TMEM51: variants seen among roughly 807,000 people sequenced by gnomAD.
TMEM51 encodes the protein transmembrane protein 51.
A neutral mutation model predicts 13.6 loss-of-function variants in TMEM51; 8 were observed. The observed-to-expected ratio is 0.59, with a 90% CI of 0.35 to 1.07. The LOEUF is 1.07. Ranked by LOEUF, TMEM51 falls within the 50% of genes least tolerant of loss-of-function variation. TMEM51 has a pLI of 0.02. For missense variants in TMEM51, 279 were observed against 330.7 expected, an observed-to-expected ratio of 0.84 and a Z score of 1.21; for synonymous variants, 147 against 144.4, an observed-to-expected ratio of 1.02 and a Z score of -0.13.
chr1:15,211,512 T>A (rs918696324), intron 2 of TMEM51, among the ~76,000 whole-genome samples: 4 of 152,236 alleles, frequency 2.6e-5, no homozygotes, highest in African/African-American at 9.6e-5. Context: ...TTATGTATAT[T>A]ATTTATTTAT....
intron 1 of TMEM51, among the ~76,000 whole-genome samples, chr1:15,196,390 G>A (rs1644049127): frequency 2.2e-5 from 1 of 44,774 alleles, no homozygotes; most frequent in African/African-American, 8.7e-5. Flanking sequence ...GTGTGTGTGT[G>A]TGCATGTGTG....
chr1:15,165,571 C>T (rs1642966266), intron 1 of TMEM51, among the ~76,000 whole-genome samples: 1 of 152,184 alleles, frequency 6.6e-6, no homozygotes, highest in Non-Finnish European at 1.5e-5. Flanking sequence ...AGCTTTAAAA[C>T]ACTTTTAATT....
chr1:15,159,791 G>C (rs112445636), intron 1 of TMEM51, among the ~76,000 whole-genome samples: 1 of 152,078 alleles, frequency 6.6e-6, no homozygotes, highest in Non-Finnish European at 1.5e-5. Context: ...TCTTGACCTC[G>C]TGATCCGCCT....
At chr1:15,203,942 A>G (rs1184826374) in intron 1 of TMEM51, among the ~76,000 whole-genome samples, 1 of 152,246 alleles carries the variant, frequency 6.6e-6, no homozygotes, top group Non-Finnish European at 1.5e-5. Context: ...CCAGGCTCCC[A>G]GTCCCACGGC....
chr1:15,163,975 A>T (rs1019906196), intron 1 of TMEM51, among the ~76,000 whole-genome samples: 23 of 151,798 alleles, frequency 1.5e-4, no homozygotes, highest in African/African-American at 5.3e-4. Context: ...ATTTACAGGC[A>T]TGCACCACCA....
chr1:15,192,455 C>CCTTTTTTTTTTTTTT (rs3078876), intron 1 of TMEM51: 52 of 170,774 alleles, frequency 3.0e-4, no homozygotes, highest in South Asian at 1.2e-3. Flanking sequence ...TCTTTCTTTT[C>CCTTTTTTTTTTTTTT]TTTTCCTTTT....
At chr1:15,200,871 C>T (rs34772777) in intron 1 of TMEM51, among the ~76,000 whole-genome samples, 20 of 152,152 alleles carry the variant, frequency 1.3e-4, no homozygotes, top group Non-Finnish European at 2.9e-4. Context: ...AATTGTATCT[C>T]CTGACCACAG....
At chr1:15,180,582 C>T (rs753239205) in intron 1 of TMEM51, among the ~76,000 whole-genome samples, 63 of 152,096 alleles carry the variant, frequency 4.1e-4, no homozygotes, top group African/African-American at 1.4e-3. Flanking sequence ...ATTATATGAG[C>T]GGATGCATTG....
At chr1:15,210,117 G>A (rs1474455648) in intron 1 of TMEM51, among the ~76,000 whole-genome samples, 1 of 152,064 alleles carries the variant, frequency 6.6e-6, no homozygotes, top group Non-Finnish European at 1.5e-5. Context: ...TAGGCTGGTG[G>A]GTCAGACTGG....
chr1:15,176,048 T>C (rs1643447769), intron 1 of TMEM51, among the ~76,000 whole-genome samples: 1 of 152,206 alleles, frequency 6.6e-6, no homozygotes, highest in Non-Finnish European at 1.5e-5. Flanking sequence ...TTTCCAGACA[T>C]CTTGTGATAG....
intron 1 of TMEM51, among the ~76,000 whole-genome samples, chr1:15,208,992 T>C (rs957548040): frequency 1.3e-5 from 2 of 152,168 alleles, no homozygotes. Flanking sequence ...AAAACGCTCA[T>C]GTACCCTTCA....
intron 1 of TMEM51, among the ~76,000 whole-genome samples, chr1:15,155,410 T>G (rs1642556486): frequency 6.6e-6 from 1 of 152,216 alleles, no homozygotes; most frequent in Non-Finnish European, 1.5e-5. Flanking sequence ...AGCTTCTTCA[T>G]CTGTAAAATG....
intron 1 of TMEM51, among the ~76,000 whole-genome samples, chr1:15,168,970 C>T (rs552799227): frequency 2.6e-5 from 4 of 152,104 alleles, no homozygotes; most frequent in South Asian, 2.1e-4. Flanking sequence ...TTAGGGAAAC[C>T]GAGGCAGGAG....
intron 1 of TMEM51, among the ~76,000 whole-genome samples, chr1:15,183,917 C>T (rs960797343): frequency 5.9e-5 from 9 of 152,202 alleles, no homozygotes; most frequent in East Asian, 1.9e-4. Flanking sequence ...GGGCCGCAGC[C>T]GCTCATTTCA....
rs1644131767 is a variant in TMEM51, at chr1:15,200,409, A to AC, written c.-266-10081_-266-10080insC. On this transcript the variant is annotated intron_variant, in intron 1 of 3. Transcript: ENST00000376008. Reference sequence around the variant, plus strand: ...GGCAACAGAGCGAGACTCTGTCTCAAAAAAAAAAAAAAAAAAAAAAAAAGA... The same window carrying AC: ...GGCAACAGAGCGAGACTCTGTCTCAACAAAAAAAAAAAAAAAAAAAAAAAGA... Among the ~76,000 whole-genome samples, 3 of 92,410 alleles carry AC rather than the reference A, an allele frequency of 3.2e-5. No homozygotes were observed. The South Asian group carries it at 1.1e-3, about 34-fold the overall frequency. The allele number at this position is 92,410 out of a possible 152,430, so 60.6% of individuals were successfully genotyped here.
chr1:15,202,744 A>G (rs1252628938), intron 1 of TMEM51, among the ~76,000 whole-genome samples: 1 of 152,176 alleles, frequency 6.6e-6, no homozygotes, highest in Non-Finnish European at 1.5e-5. Context: ...TCATGTCCAA[A>G]AAGGCACTTT....
At chr1:15,177,895 C>T (rs534633392) in intron 1 of TMEM51, among the ~76,000 whole-genome samples, 348 of 152,330 alleles carry the variant, frequency 2.3e-3, no homozygotes, top group African/African-American at 8.2e-3. Context: ...TGCCTAACGT[C>T]ACGCGAAGTC....
intron 1 of TMEM51, among the ~76,000 whole-genome samples, chr1:15,169,640 T>G (rs555758212): frequency 3.1e-4 from 47 of 152,300 alleles, no homozygotes; most frequent in African/African-American, 1.1e-3. Flanking sequence ...TGAAATGTCT[T>G]CTTGTAGAAA....
intron 1 of TMEM51, among the ~76,000 whole-genome samples, chr1:15,209,715 A>G (rs1456240741): frequency 6.6e-6 from 1 of 152,130 alleles, no homozygotes; most frequent in Non-Finnish European, 1.5e-5. Context: ...GGATAAACCC[A>G]ACTTGATTAT....
Sources: allele counts gnomAD v4.1 joint callset (sites outside exome capture counted in the v4.1 genomes callset), GRCh38; gene constraint gnomAD v4.1.1; transcripts MANE v1.5; gene names NCBI Gene and HGNC (gene_info 2026-07-23, HGNC 2026-07-21).